The following RNF212B variants were observed in gnomAD, a reference collection of about 807,000 sequenced individuals.
RNF212B encodes E3 ubiquitin-protein ligase RNF212B.
RNF212B carries 52 observed loss-of-function variants against 55.5 expected under a neutral mutation model. The observed-to-expected ratio is 0.94, with a 90% CI of 0.75 to 1.18. The LOEUF is 1.18. RNF212B is among the 50% of genes most tolerant of loss of function. RNF212B has a pLI of 0.00. For synonymous variants in RNF212B, 99 were observed against 121.4 expected (o/e 0.82, Z 1.21); for missense variants, 289 against 350.4 (o/e 0.82, Z 1.40).
chr14:23,259,364 T>A (rs1455462454), intron 5 of RNF212B: 3 of 93,130 alleles, frequency 3.2e-5, no homozygotes, highest in Admixed American at 8.8e-5. Context: ...AATTTTTGTA[T>A]TTTTTTTTTT....
intron 2 of RNF212B, among the ~76,000 whole-genome samples, chr14:23,197,139 T>C (rs1338886715): frequency 6.6e-6 from 1 of 152,256 alleles, no homozygotes; most frequent in Non-Finnish European, 1.5e-5. Context: ...ATGGTATCCC[T>C]AGCCCAGGAG....
At chr14:23,207,171 C>T (rs1317609474) in intron 2 of RNF212B, among the ~76,000 whole-genome samples, 1 of 152,214 alleles carries the variant, frequency 6.6e-6, no homozygotes, top group East Asian at 1.9e-4. Context: ...ACAATGATCA[C>T]ACAACATACG....
chr14:23,261,078 C>T (rs1024986581), intron 7 of RNF212B, among the ~76,000 whole-genome samples: 2 of 152,208 alleles, frequency 1.3e-5, no homozygotes, highest in African/African-American at 4.8e-5. Flanking sequence ...ACTGCTGTGT[C>T]CGGTTTCCAT....
intron 4 of RNF212B, among the ~76,000 whole-genome samples, chr14:23,253,660 G>C (rs541392982): frequency 6.6e-6 from 1 of 152,226 alleles, no homozygotes; most frequent in Non-Finnish European, 1.5e-5. Context: ...TAATTCATTA[G>C]AAGTTGTAAA....
upstream of RNF212B, among the ~76,000 whole-genome samples, chr14:23,233,379 C>T (rs1406662591): frequency 1.3e-5 from 2 of 148,400 alleles, no homozygotes; most frequent in African/African-American, 5.0e-5. Flanking sequence ...TGCCCCTCTG[C>T]GAGAAACACC....
chr14:23,246,603 A>G (rs1290004440), intron 4 of RNF212B, among the ~76,000 whole-genome samples: 1 of 152,156 alleles, frequency 6.6e-6, no homozygotes. Flanking sequence ...AAAAAAAACA[A>G]ACAAAAAACA....
At chr14:23,221,483 G>T (rs545955482) in intron 2 of RNF212B, among the ~76,000 whole-genome samples, 1 of 152,304 alleles carries the variant, frequency 6.6e-6, no homozygotes, top group Non-Finnish European at 1.5e-5. Context: ...AGAGTACCCA[G>T]ATATATAAAG....
chr14:23,251,658 A>G (rs1156658374), intron 4 of RNF212B, among the ~76,000 whole-genome samples: 2 of 152,112 alleles, frequency 1.3e-5, no homozygotes, highest in Non-Finnish European at 2.9e-5. Flanking sequence ...TCTACTAAAA[A>G]TACCAAAAGT....
chr14:23,213,148 TA>T (rs556218501), intron 2 of RNF212B, among the ~76,000 whole-genome samples: 3 of 151,476 alleles, frequency 2.0e-5, no homozygotes, highest in South Asian at 2.1e-4. Context: ...CCGTCTCTAC[TA>T]AAAAATACAA....
rs1228512760 is a variant in RNF212B at position 23,259,888 on chromosome 14, T to C, written c.349T>C (p.Leu117=). ...TTGTTTCCATCTTTTGCCTAGAGAATTGTCAGTCTTAAGGAAGGAGAATGG... is the reference window on the plus strand; with the variant it reads ...TTGTTTCCATCTTTTGCCTAGAGAACTGTCAGTCTTAAGGAAGGAGAATGG... ...QQALVSQDKE[L]SVLRKENGEL... Residue 117 remains leucine (L), a synonymous_variant, in exon 6 of 15, where the codon TTG becomes CTG. Transcript: ENST00000430154. The C allele has an allele frequency of 1.3e-6, 2 of 1,509,372 alleles. No homozygotes were observed. The highest frequency in any genetic ancestry group is 1.8e-6 in the Non-Finnish European group (2 of 1,126,956). 93.5% of individuals were successfully genotyped at this position (1,509,372 alleles called of 1,614,324 possible). A position where few individuals can be genotyped will look rare whatever the true frequency, so the allele number is the denominator to read the frequency against.
chr14:23,259,477 C>A, intron 5 of RNF212B: 1 of 127,382 alleles, frequency 7.9e-6, no homozygotes, highest in Non-Finnish European at 1.6e-5. Context: ...TGGAATGCTT[C>A]AAGCATTTAC....
At chr14:23,208,042 CTT>C (rs1283049723) in intron 2 of RNF212B, among the ~76,000 whole-genome samples, 2 of 152,162 alleles carry the variant, frequency 1.3e-5, no homozygotes, top group Admixed American at 6.6e-5. Context: ...ACAGGGGTGA[CTT>C]TGAAGAGAAT....
intron 2 of RNF212B, among the ~76,000 whole-genome samples, chr14:23,198,484 G>C (rs1594862862): frequency 6.6e-6 from 1 of 152,020 alleles, no homozygotes; most frequent in Non-Finnish European, 1.5e-5. Flanking sequence ...GACCTGCCTA[G>C]CCAACATAGT....
At chr14:23,209,460 A>C (rs893479568) in intron 2 of RNF212B, among the ~76,000 whole-genome samples, 1 of 152,212 alleles carries the variant, frequency 6.6e-6, no homozygotes, top group African/African-American at 2.4e-5. Flanking sequence ...ATTATAATCC[A>C]ATGTATAAAA....
At chr14:23,208,757 G>GTTTTTTTTTTTTTTTTTTTTTTTTTTTTT (rs1166613606) in intron 2 of RNF212B, among the ~76,000 whole-genome samples, 8 of 98,114 alleles carry the variant, frequency 8.2e-5, no homozygotes, top group African/African-American at 3.7e-4. Context: ...GCTGGTTGCC[G>GTTTTTTTTTTTTTTTTTTTTTTTTTTTTT]TTTTTTTTTT....
intron 4 of RNF212B, among the ~76,000 whole-genome samples, chr14:23,246,547 T>C (rs1883992431): frequency 1.3e-5 from 2 of 152,008 alleles, no homozygotes; most frequent in Non-Finnish European, 1.5e-5. Context: ...AAAGATCCAA[T>C]GAGACAATGT....
At chr14:23,200,672 G>A (rs1010421325) in intron 2 of RNF212B, among the ~76,000 whole-genome samples, 2 of 152,050 alleles carry the variant, frequency 1.3e-5, no homozygotes, top group African/African-American at 2.4e-5. Flanking sequence ...TGGGGCTTCC[G>A]TGCCTGTCAG....
chr14:23,187,300 TA>T (rs1445230172), intron 1 of RNF212B, among the ~76,000 whole-genome samples: 5 of 152,132 alleles, frequency 3.3e-5, no homozygotes, highest in Non-Finnish European at 7.4e-5. Context: ...TTGTGATAGT[TA>T]AAACACAAAC....
At chr14:23,259,581 G>A (rs1955561) in intron 5 of RNF212B, 19,520 of 193,636 alleles carry the variant, frequency 0.1, 1,056 homozygotes, top group African/African-American at 0.12. Flanking sequence ...TGGAGTCCTT[G>A]ATAAAAATTT....
Sources: gnomAD v4.1 joint callset for allele counts (sites outside exome capture counted in the v4.1 genomes callset) on GRCh38, gnomAD v4.1.1 for gene constraint, MANE v1.5 for transcripts, NCBI Gene and HGNC (gene_info 2026-07-23, HGNC 2026-07-21) for gene names.